Variants in CLNK observed in about 807,000 individuals in gnomAD.
CLNK encodes cytokine-dependent hematopoietic cell linker.
CLNK carries 74 observed loss-of-function variants against 68.6 expected under a neutral mutation model. The ratio of observed to expected loss-of-function variants is 1.08; its 90% CI spans 0.89 to 1.31. The LOEUF (loss-of-function observed/expected upper bound fraction) is 1.31, where lower values mean the gene tolerates loss of function less well. CLNK is among the 50% of genes most tolerant of loss of function. CLNK has a pLI of 0.00. For missense variants in CLNK, 553 were observed against 515.3 expected (o/e 1.07, Z -0.71); for synonymous variants, 198 against 172.2 (o/e 1.15, Z -1.17).
intron 1 of CLNK, among the ~76,000 whole-genome samples, chr4:10,675,380 A>G (rs980460333): frequency 2.0e-5 from 3 of 152,200 alleles, no homozygotes; most frequent in African/African-American, 7.2e-5. Flanking sequence ...CTGGATTTTC[A>G]CGTGTCTTAA....
chr4:10,594,222 T>C (rs921264387), intron 3 of CLNK, among the ~76,000 whole-genome samples: 1 of 152,088 alleles, frequency 6.6e-6, no homozygotes, highest in Admixed American at 6.5e-5. Flanking sequence ...ATGTAAGAGG[T>C]CAGACATTTC....
intron 2 of CLNK, among the ~76,000 whole-genome samples, chr4:10,663,208 G>C (rs12186180): frequency 0.12 from 17,887 of 152,244 alleles, 1,135 homozygotes; most frequent in East Asian, 0.23. Flanking sequence ...GGGTCTGTCT[G>C]CTCTTCTCTA....
the CLNK span, among the ~76,000 whole-genome samples, chr4:10,715,382 G>A: frequency 4.7e-4 from 71 of 152,272 alleles, no homozygotes; most frequent in Middle Eastern, 3.4e-3. Context: ...GGGCAGAATT[G>A]AGCTGAATCC....
intron 1 of CLNK, among the ~76,000 whole-genome samples, chr4:10,677,814 T>G (rs1724933681): frequency 7.4e-6 from 1 of 134,366 alleles, no homozygotes; most frequent in Admixed American, 8.0e-5. Context: ...TACAGCAGTG[T>G]GAAAATGGAC....
chr4:10,627,640 G>C (rs780600809), intron 2 of CLNK, among the ~76,000 whole-genome samples: 1 of 152,116 alleles, frequency 6.6e-6, no homozygotes, highest in Non-Finnish European at 1.5e-5. Flanking sequence ...CAGAGAGACA[G>C]AGCGTCTCTC....
At chr4:10,661,167 A>G (rs1450634225) in intron 2 of CLNK, among the ~76,000 whole-genome samples, 2 of 152,214 alleles carry the variant, frequency 1.3e-5, no homozygotes, top group African/African-American at 2.4e-5. Context: ...GGTTGTTCAC[A>G]CATGTCATGA....
chr4:10,703,090 C>A, the CLNK span, among the ~76,000 whole-genome samples: 23 of 152,196 alleles, frequency 1.5e-4, no homozygotes, highest in African/African-American at 5.1e-4. Flanking sequence ...AAAAACTGAT[C>A]AATTAGATGT....
intron 3 of CLNK, among the ~76,000 whole-genome samples, chr4:10,597,683 C>T (rs1287407299): frequency 6.6e-6 from 1 of 152,170 alleles, no homozygotes; most frequent in Non-Finnish European, 1.5e-5. Context: ...ATAGAAGCCT[C>T]TCCATCACTG....
chr4:10,720,255 A>C, the CLNK span, among the ~76,000 whole-genome samples: 2 of 152,182 alleles, frequency 1.3e-5, no homozygotes, highest in African/African-American at 2.4e-5. Flanking sequence ...CAATGAAACA[A>C]AGTTGTTTGT....
At chr4:10,635,025 CAA>C (rs1723028688) in intron 2 of CLNK, among the ~76,000 whole-genome samples, 1 of 152,112 alleles carries the variant, frequency 6.6e-6, no homozygotes, top group African/African-American at 2.4e-5. Flanking sequence ...TTTCCCCTTT[CAA>C]AAGAGATAAC....
rs879316767 is a variant in CLNK at position 10,488,673 on chromosome 4, A to G, written c.*1794T>C. The G allele has an allele frequency of 9.9e-5, 15 of 152,208 alleles. No individual in the cohort carries two copies. The highest frequency in any genetic ancestry group is 1.8e-4 in the Non-Finnish European group (12 of 68,042). 9.4% of individuals were successfully genotyped at this position (152,208 alleles called of 1,614,324 possible). On this transcript the variant is annotated 3_prime_UTR_variant, in exon 19 of 19. Coordinates refer to ENST00000226951, the MANE Select transcript of CLNK (RefSeq NM_052964.4). ...ATAGCTTCTTCATTAAATGCTCCTG[A>G]TGTAACTTATAGGCATCACTTCACA...
intron 2 of CLNK, among the ~76,000 whole-genome samples, chr4:10,624,510 T>A (rs1722586761): frequency 1.3e-5 from 2 of 151,910 alleles, no homozygotes; most frequent in Non-Finnish European, 2.9e-5. Flanking sequence ...GCCAGGATGG[T>A]CTCGATCTCC....
chr4:10,498,285 A>G (rs1463631985), intron 18 of CLNK, among the ~76,000 whole-genome samples: 1 of 152,092 alleles, frequency 6.6e-6, no homozygotes, highest in Non-Finnish European at 1.5e-5. Context: ...AGGTCAGGAG[A>G]TCGAGACCAT....
intron 2 of CLNK, among the ~76,000 whole-genome samples, chr4:10,601,564 C>T (rs1416450950): frequency 6.6e-6 from 1 of 152,168 alleles, no homozygotes. Flanking sequence ...CAACACATCA[C>T]AGAAAATGTT....
intron 15 of CLNK, among the ~76,000 whole-genome samples, chr4:10,516,129 C>T (rs1707742164): frequency 6.6e-6 from 1 of 151,828 alleles, no homozygotes; most frequent in Non-Finnish European, 1.5e-5. Flanking sequence ...CCAAGCAAAA[C>T]ATCTGTGAAT....
the CLNK span, among the ~76,000 whole-genome samples, chr4:10,728,188 T>G: frequency 4.4e-4 from 67 of 152,272 alleles, no homozygotes; most frequent in African/African-American, 1.6e-3. Context: ...CAAAGAATTA[T>G]CCAGCCCTGA....
chr4:10,696,568 C>G, the CLNK span, among the ~76,000 whole-genome samples: 1 of 152,284 alleles, frequency 6.6e-6, no homozygotes, highest in African/African-American at 2.4e-5. Context: ...CTTTTGTCCT[C>G]CAGAGAAACT....
chr4:10,665,073 A>G (rs965462002), intron 2 of CLNK, among the ~76,000 whole-genome samples: 2 of 152,162 alleles, frequency 1.3e-5, no homozygotes, highest in African/African-American at 4.8e-5. Flanking sequence ...GCAGGTTCCT[A>G]ATGTTGAGGT....
chr4:10,494,209 T>G (rs1184575275), intron 18 of CLNK, among the ~76,000 whole-genome samples: 1 of 152,244 alleles, frequency 6.6e-6, no homozygotes, highest in African/African-American at 2.4e-5. Flanking sequence ...AAAAACTTTT[T>G]ATGCAGAACT....
Sources: allele counts gnomAD v4.1 joint callset (sites outside exome capture counted in the v4.1 genomes callset), GRCh38; gene constraint gnomAD v4.1.1; transcripts MANE v1.5; gene names NCBI Gene and HGNC (gene_info 2026-07-23, HGNC 2026-07-21).